Variants in DTD1 observed in about 807,000 individuals in gnomAD.
DTD1 encodes the protein D-aminoacyl-tRNA deacylase 1.
Under a neutral mutation model 25.6 loss-of-function variants are expected in DTD1, and 13 were observed. The ratio of observed to expected loss-of-function variants is 0.51; its 90% CI spans 0.33 to 0.81. The LOEUF is 0.81. Among genes scored for constraint, DTD1 ranks in the 30% least tolerant of loss-of-function variants. DTD1 has a pLI of 0.02. For missense variants in DTD1, 193 were observed against 266.4 expected (o/e 0.72, Z 1.92); for synonymous variants, 110 against 103.6 (o/e 1.06, Z -0.37).
At chr20:18,715,140 C>T (rs566772569) in intron 4 of DTD1, among the ~76,000 whole-genome samples, 46 of 152,276 alleles carry the variant, frequency 3.0e-4, no homozygotes, top group African/African-American at 8.9e-4. Flanking sequence ...GGGTGTCATC[C>T]CTGAGTCCTA....
chr20:18,705,914 C>T lies in DTD1; in HGVS notation c.478-38186C>T, dbSNP rs551485212. 5.3e-5 allele frequency among the ~76,000 whole-genome samples: 8 copies of T among 152,302 alleles called. No individual in the cohort carries two copies. The South Asian group carries it at 1.7e-3, about 32-fold the overall frequency. On this transcript the variant is annotated intron_variant, in intron 4 of 5. Coordinates refer to ENST00000377452, the MANE Select transcript of DTD1 (RefSeq NM_080820.6). ...GCCATTTGAACCCTTCTTATGTGGTCCATTTTCTCTTTGGCTGTCTGTGTT... is the reference window on the plus strand; with the variant it reads ...GCCATTTGAACCCTTCTTATGTGGTTCATTTTCTCTTTGGCTGTCTGTGTT...
rs78534676 is a variant in DTD1 at position 18,747,414 on chromosome 20, C to T, written c.*19+3143C>T. 3.8e-3 allele frequency among the ~76,000 whole-genome samples: 581 copies of T among 152,276 alleles called. 3 individuals are homozygous for T. The highest frequency in any genetic ancestry group is 0.013 in the African/African-American group (559 of 41,560). On this transcript the variant is annotated intron_variant, in intron 5 of 5. Transcript: ENST00000377452. ...GGCGGGGGCAGGCATGTTCCCTCCC[C>T]GCCATGTTTCTGTGTTTTCTCAGGC...
At chr20:18,732,629 A>C (rs1178370830) in intron 4 of DTD1, among the ~76,000 whole-genome samples, 1 of 152,240 alleles carries the variant, frequency 6.6e-6, no homozygotes. Flanking sequence ...CGACTTCAGC[A>C]CTGGGAGTGT....
chr20:18,633,369 C>T (rs913928833), intron 4 of DTD1, among the ~76,000 whole-genome samples: 2 of 152,140 alleles, frequency 1.3e-5, no homozygotes, highest in Non-Finnish European at 2.9e-5. Context: ...AATCTCTGAC[C>T]CCCACAGTTC....
At position 18,588,099 on chromosome 20, in the gene DTD1, C is replaced by T. The variant is rs768417870; in HGVS notation, c.27C>T (p.Thr9=). 25 of 1,329,870 alleles carry T rather than the reference C, an allele frequency of 1.9e-5. No homozygotes were observed. The highest frequency in any genetic ancestry group is 1.2e-5 in the Non-Finnish European group (13 of 1,044,686). The allele number at this position is 1,329,870 out of a possible 1,614,324, so 82.4% of individuals were successfully genotyped here. A position where few individuals can be genotyped will look rare whatever the true frequency, so the allele number is the denominator to read the frequency against. The change falls in exon 1 of 6, where the codon ACC becomes ACT. Residue 9 remains threonine, a synonymous_variant. Transcript: ENST00000377452. MKAVVQRV[T]RASVTVGGEQ... ...TGAAGGCCGTGGTGCAGCGCGTCACCCGGGCCAGCGTCACAGGTCAGTCGG... is the reference window on the plus strand; with the variant it reads ...TGAAGGCCGTGGTGCAGCGCGTCACTCGGGCCAGCGTCACAGGTCAGTCGG...
chr20:18,740,457 TGCATCTAC>T (rs564882420), intron 4 of DTD1, among the ~76,000 whole-genome samples: 46 of 151,892 alleles, frequency 3.0e-4, no homozygotes, highest in Middle Eastern at 3.4e-3. Context: ...TATATGTGTA[TGCATCTAC>T]ACACAAGTAA....
intron 3 of DTD1, among the ~76,000 whole-genome samples, chr20:18,618,933 G>A (rs1568647800): frequency 1.3e-5 from 2 of 151,998 alleles, no homozygotes; most frequent in Admixed American, 6.6e-5. Flanking sequence ...GGCTCATCTC[G>A]AACTCTTGAT....
chr20:18,710,370 T>C (rs2061153725), intron 4 of DTD1, among the ~76,000 whole-genome samples: 1 of 139,814 alleles, frequency 7.2e-6, no homozygotes, highest in Non-Finnish European at 1.6e-5. Context: ...TTCAAACATA[T>C]TCTGATCTTT....
chr20:18,703,662 G>A (rs2061114312), intron 4 of DTD1, among the ~76,000 whole-genome samples: 2 of 150,380 alleles, frequency 1.3e-5, no homozygotes, highest in African/African-American at 4.9e-5. Flanking sequence ...TTTTAATTTT[G>A]GCAAGCAATT....
chr20:18,704,112 T>G (rs2061116365), intron 4 of DTD1, among the ~76,000 whole-genome samples: 1 of 151,788 alleles, frequency 6.6e-6, no homozygotes, highest in Admixed American at 6.6e-5. Flanking sequence ...GCCATTCTCC[T>G]GCTTCAGCCT....
intron 4 of DTD1, among the ~76,000 whole-genome samples, chr20:18,697,604 G>A (rs183659262): frequency 2.0e-4 from 30 of 152,328 alleles, no homozygotes; most frequent in Admixed American, 1.4e-3. Context: ...TTTCAGGATC[G>A]TGTCTGTTCT....
At chr20:18,631,813 T>A in intron 4 of DTD1, 1 of 945,356 alleles carries the variant, frequency 1.1e-6, no homozygotes, top group South Asian at 4.8e-5. Context: ...TGGAGAAAAA[T>A]TTTAGTCTTT....
At chr20:18,632,868 G>C (rs1315510894) in intron 4 of DTD1, among the ~76,000 whole-genome samples, 1 of 151,998 alleles carries the variant, frequency 6.6e-6, no homozygotes, top group African/African-American at 2.4e-5. Context: ...GTGCCCATGT[G>C]CATGTGCATG....
intron 4 of DTD1, among the ~76,000 whole-genome samples, chr20:18,742,975 G>A (rs1321659008): frequency 6.6e-6 from 1 of 152,190 alleles, no homozygotes; most frequent in Admixed American, 6.5e-5. Context: ...ATAAAACTGG[G>A]TATTGCTGTC....
chr20:18,660,756 A>G (rs1192443577), intron 4 of DTD1, among the ~76,000 whole-genome samples: 1 of 152,218 alleles, frequency 6.6e-6, no homozygotes, highest in Non-Finnish European at 1.5e-5. Context: ...ACAAATTCAG[A>G]AGAAAAAAGT....
chr20:18,724,176 T>G (rs2061215418), intron 4 of DTD1, among the ~76,000 whole-genome samples: 1 of 152,174 alleles, frequency 6.6e-6, no homozygotes, highest in Non-Finnish European at 1.5e-5. Context: ...GAAAGCCCCA[T>G]GAGCTCTGTG....
At position 18,703,682 on chromosome 20, in the gene DTD1, C is replaced by T. The variant is rs532082719; in HGVS notation, c.478-40418C>T. On this transcript the variant is annotated intron_variant, in intron 4 of 5. Coordinates refer to ENST00000377452, the MANE Select transcript of DTD1 (RefSeq NM_080820.6). ...ATTTTGGCAAGCAATTTTTAATATC[C>T]ATGAACTCATTTTTTATCATAATTT... 5.9e-5 allele frequency among the ~76,000 whole-genome samples: 9 copies of T among 151,560 alleles called. No homozygotes were observed. In the South Asian group the frequency reaches 1.7e-3, roughly 28 times the overall value.
chr20:18,596,354 G>A, intron 3 of DTD1, 113 bp downstream of exon 3: 1 of 872,130 alleles, frequency 1.1e-6, no homozygotes, highest in Non-Finnish European at 1.8e-6. Flanking sequence ...GTTTATGCTT[G>A]TTACTTACTT....
chr20:18,678,124 AGCAGGGTCAG>A (rs1176917008), intron 4 of DTD1, among the ~76,000 whole-genome samples: 1 of 152,264 alleles, frequency 6.6e-6, no homozygotes, highest in Non-Finnish European at 1.5e-5. Context: ...ACTAAATGCC[AGCAGGGTCAG>A]GTAGGTCAGC....
Sources: allele counts gnomAD v4.1 joint callset (sites outside exome capture counted in the v4.1 genomes callset), GRCh38; gene constraint gnomAD v4.1.1; transcripts MANE v1.5; gene names NCBI Gene and HGNC (gene_info 2026-07-23, HGNC 2026-07-21).